Variants in INTS9 observed in about 807,000 individuals in gnomAD.
INTS9 encodes protein related to CPSF subunits of 74 kDa.
Under a neutral mutation model 79.7 loss-of-function variants are expected in INTS9, and 55 were observed. The ratio of observed to expected loss-of-function variants is 0.69; its 90% CI spans 0.56 to 0.86. The LOEUF (loss-of-function observed/expected upper bound fraction) is 0.86, where lower values mean the gene tolerates loss of function less well. Among genes scored for constraint, INTS9 ranks in the 40% least tolerant of loss-of-function variants. The pLI is 0.00. For missense variants in INTS9, 721 were observed against 831.5 expected, an observed-to-expected ratio of 0.87 and a Z score of 1.64; for synonymous variants, 319 against 325.2, an observed-to-expected ratio of 0.98 and a Z score of 0.20.
At chr8:28,808,464 G>A (rs1323674516) in intron 8 of INTS9, among the ~76,000 whole-genome samples, 2 of 152,156 alleles carry the variant, frequency 1.3e-5, no homozygotes, top group Non-Finnish European at 2.9e-5. Context: ...GATTACAGGT[G>A]TGTGCCACCG....
chr8:28,778,333 T>C (rs1035616368), intron 12 of INTS9, among the ~76,000 whole-genome samples: 3 of 152,296 alleles, frequency 2.0e-5, no homozygotes, highest in East Asian at 1.9e-4. Flanking sequence ...GCTAAAAATA[T>C]CAGATACCAT....
chr8:28,786,021 A>G (rs1190606716), intron 11 of INTS9, among the ~76,000 whole-genome samples: 6 of 152,206 alleles, frequency 3.9e-5, no homozygotes, highest in African/African-American at 1.4e-4. Context: ...CCTCCCCTCC[A>G]GGATCACTAC....
chr8:28,871,828 T>C (rs1310205942), intron 1 of INTS9, among the ~76,000 whole-genome samples: 1 of 152,160 alleles, frequency 6.6e-6, no homozygotes, highest in Non-Finnish European at 1.5e-5. Flanking sequence ...GGTAAAAGAT[T>C]ATCTGGGAAA....
At chr8:28,880,261 CCTCTCCCTCTCCCT>C (rs1179720104) in intron 1 of INTS9, among the ~76,000 whole-genome samples, 2 of 135,958 alleles carry the variant, frequency 1.5e-5, no homozygotes, top group African/African-American at 5.7e-5. Context: ...TCTCCCTCTC[CCTCTCCCTCTCCCT>C]CTCTCTCCCT....
intron 1 of INTS9, chr8:28,862,198 C>T (rs1808499949): frequency 1.0e-6 from 1 of 985,226 alleles, no homozygotes; most frequent in Non-Finnish European, 1.2e-6. Flanking sequence ...ATATCATCTA[C>T]TGAGGGTTAT....
intron 6 of INTS9, among the ~76,000 whole-genome samples, chr8:28,827,055 C>T (rs1645142914): frequency 6.6e-6 from 1 of 152,130 alleles, no homozygotes. Context: ...ACTTGAGGTC[C>T]TAATTACAGA....
rs574478877 is a variant in INTS9, at chr8:28,769,981, G to T, written c.1708C>A (p.Arg570=). 6.2e-7 allele frequency: 1 copy of T among 1,614,180 alleles called. No individual in the cohort carries two copies. The highest frequency in any genetic ancestry group is 2.2e-5 in the East Asian group (1 of 44,888). Residue 570 remains arginine (R), a synonymous_variant, in exon 16 of 17, where the codon CGG becomes AGG. Transcript: ENST00000521022. ...AQPTSGKKRK[R]VSDDVPDCKV... ...CAGTCTGGTACGTCATCGCTCACCC[G>T]CTTTCTCTTCTTCCCGCTCGTGGGC...
chr8:28,867,940 A>G (rs547370486), intron 1 of INTS9, among the ~76,000 whole-genome samples: 1 of 152,332 alleles, frequency 6.6e-6, no homozygotes, highest in Non-Finnish European at 1.5e-5. Flanking sequence ...AAAATGAGGC[A>G]TAGGAAGTAT....
chr8:28,872,474 G>A (rs1342481294), intron 1 of INTS9, among the ~76,000 whole-genome samples: 1 of 151,466 alleles, frequency 6.6e-6, no homozygotes, highest in Non-Finnish European at 1.5e-5. Flanking sequence ...TGTAATTATG[G>A]CCACCTGGAA....
chr8:28,864,300 T>C (rs556849413), intron 1 of INTS9, among the ~76,000 whole-genome samples: 1 of 152,316 alleles, frequency 6.6e-6, no homozygotes, highest in African/African-American at 2.4e-5. Flanking sequence ...CCATCATTGT[T>C]GAGAAGTAAA....
At chr8:28,812,227 A>C in intron 8 of INTS9, 100 bp downstream of exon 8, 1 of 1,207,784 alleles carries the variant, frequency 8.3e-7, no homozygotes, top group East Asian at 2.4e-5. Context: ...AGAAAACCAT[A>C]TTTGGAAGAT....
At chr8:28,792,836 C>G (rs1014953081) in intron 10 of INTS9, among the ~76,000 whole-genome samples, 1 of 151,744 alleles carries the variant, frequency 6.6e-6, no homozygotes, top group Non-Finnish European at 1.5e-5. Context: ...TTGCTTGAAC[C>G]CAGGAGGCGG....
chr8:28,882,520 G>A (rs1403635236), intron 1 of INTS9, among the ~76,000 whole-genome samples: 61 of 91,822 alleles, frequency 6.6e-4, no homozygotes, highest in Non-Finnish European at 2.6e-4. Context: ...ATATGCAAGC[G>A]ATATTAACAG....
At chr8:28,810,954 T>C (rs1805078083) in intron 8 of INTS9, among the ~76,000 whole-genome samples, 7 of 152,136 alleles carry the variant, frequency 4.6e-5, no homozygotes, top group Admixed American at 4.6e-4. Flanking sequence ...TGTCTGCCAC[T>C]CTCTTGGACC....
chr8:28,784,770 A>G (rs758955072), intron 11 of INTS9, among the ~76,000 whole-genome samples: 16 of 152,242 alleles, frequency 1.1e-4, no homozygotes, highest in Non-Finnish European at 1.9e-4. Context: ...TGGATGTATT[A>G]TAACAGTACA....
At chr8:28,777,706 G>T in intron 13 of INTS9, 123 bp downstream of exon 13, 2 of 1,129,148 alleles carry the variant, frequency 1.8e-6, no homozygotes, top group Non-Finnish European at 2.4e-6. Flanking sequence ...GCATTCTGCA[G>T]ATGCGTGAGA....
intron 4 of INTS9, among the ~76,000 whole-genome samples, chr8:28,842,278 G>A (rs1398783861): frequency 1.3e-5 from 2 of 152,284 alleles, no homozygotes; most frequent in Middle Eastern, 3.4e-3. Flanking sequence ...GTAGGAGGTA[G>A]AAGGCAAGGC....
At chr8:28,865,393 G>A (rs1585500876) in intron 1 of INTS9, among the ~76,000 whole-genome samples, 1 of 151,664 alleles carries the variant, frequency 6.6e-6, no homozygotes, top group East Asian at 1.9e-4. Context: ...GACTGCTCAT[G>A]CCCAGGAGTT....
chr8:28,819,808 C>G (rs1268202602), intron 6 of INTS9, among the ~76,000 whole-genome samples: 3 of 152,056 alleles, frequency 2.0e-5, no homozygotes, highest in Non-Finnish European at 4.4e-5. Context: ...GTAGGTCACT[C>G]AGGACTTGCT....
Sources: gnomAD v4.1 joint callset for allele counts (sites outside exome capture counted in the v4.1 genomes callset) on GRCh38, gnomAD v4.1.1 for gene constraint, MANE v1.5 for transcripts, NCBI Gene and HGNC (gene_info 2026-07-23, HGNC 2026-07-21) for gene names.